The following ADAMTS19 variants were observed in gnomAD, a reference collection of about 807,000 sequenced individuals.
ADAMTS19 encodes A disintegrin and metalloproteinase with thrombospondin motifs 19.
In ADAMTS19, 93 loss-of-function variants were observed where a neutral mutation model predicts 153.3. The observed-to-expected ratio is 0.61, with a 90% CI of 0.51 to 0.72. The LOEUF (loss-of-function observed/expected upper bound fraction) is 0.72. Among genes scored for constraint, ADAMTS19 ranks in the 30% least tolerant of loss-of-function variants. The pLI is 0.00. For missense variants in ADAMTS19, 1,482 were observed against 1,552.1 expected, an observed-to-expected ratio of 0.95 and a Z score of 0.76; for synonymous variants, 600 against 556.6, an observed-to-expected ratio of 1.08 and a Z score of -1.10.
Position 129,461,559 on chromosome 5 carries a change from C to T in ADAMTS19, c.549C>T (p.Tyr183=), listed in dbSNP as rs1749663753. The T allele has an allele frequency of 6.5e-7, 1 of 1,549,690 alleles. No homozygotes were observed. The highest frequency in any genetic ancestry group is 1.4e-5 in the African/African-American group (1 of 73,282). The part of the protein sequence containing the change: ...LRIPAFSRDL[Y]LLLRRDGRFL... The stretch of plus-strand genomic sequence containing the variant: ...TCCCGGCCTTCTCTCGGGACCTGTA[C>T]CTGCTGCTCCGGAGAGACGGCCGCT... The change falls in exon 2 of 23, where the codon TAC becomes TAT. Residue 183 remains tyrosine, a synonymous_variant. Transcript: ENST00000274487. The surrounding 1 kb of genome is among the most constrained non-coding windows in gnomAD (Gnocchi z 4.6).
chr5:129,535,741 C>A (rs1752395804), intron 6 of ADAMTS19, among the ~76,000 whole-genome samples: 1 of 152,002 alleles, frequency 6.6e-6, no homozygotes, highest in African/African-American at 2.4e-5. Flanking sequence ...AGAACAGAGC[C>A]CTCAGAAATA....
At chr5:129,564,865 G>A (rs73785204) in intron 7 of ADAMTS19, among the ~76,000 whole-genome samples, 1 of 152,296 alleles carries the variant, frequency 6.6e-6, no homozygotes, top group African/African-American at 2.4e-5. Context: ...GTCAGATTGG[G>A]CCTGGGCATG....
At chr5:129,702,941 A>AAAAAAAAAAAAAATAT in intron 20 of ADAMTS19, among the ~76,000 whole-genome samples, 1 of 29,306 alleles carries the variant, frequency 3.4e-5, no homozygotes. Flanking sequence ...AAAAAAAAAA[A>AAAAAAAAAAAAAATAT]ATATATATAT....
chr5:129,708,761 T>C (rs2127175813), intron 21 of ADAMTS19, among the ~76,000 whole-genome samples: 1 of 152,220 alleles, frequency 6.6e-6, no homozygotes, highest in East Asian at 1.9e-4. Flanking sequence ...TTGCACATAA[T>C]TGTTCCTGGT....
chr5:129,461,046 G>A lies in ADAMTS19; in HGVS notation c.92-56G>A. ...ATGGACTGTGAGCTTGGAAATGTTT[G>A]TGCTACTGGAACCGCGGCACTTTAA... On this transcript the variant is annotated intron_variant, in intron 1 of 22. Coordinates refer to ENST00000274487, the MANE Select transcript of ADAMTS19 (RefSeq NM_133638.6). The surrounding 1 kb of genome is among the most constrained non-coding windows in gnomAD (Gnocchi z 4.6). 1 of 1,298,760 alleles carries A rather than the reference G, an allele frequency of 7.7e-7. No individual in the cohort carries two copies. Among genetic ancestry groups the A allele is most frequent in the Non-Finnish European group, 9.7e-7 (1 of 1,027,774 alleles). The allele number at this position is 1,298,760 out of a possible 1,614,324, so 80.5% of individuals were successfully genotyped here. A position where few individuals can be genotyped will look rare whatever the true frequency, so the allele number is the denominator to read the frequency against.
chr5:129,486,107 A>G (rs923466221), intron 2 of ADAMTS19, among the ~76,000 whole-genome samples: 9 of 152,266 alleles, frequency 5.9e-5, no homozygotes, highest in African/African-American at 2.2e-4. Context: ...TGAATTTCTA[A>G]TTAAAATTTC....
intron 7 of ADAMTS19, among the ~76,000 whole-genome samples, chr5:129,553,787 GA>G (rs952334986): frequency 6.6e-6 from 1 of 152,020 alleles, no homozygotes; most frequent in Non-Finnish European, 1.5e-5. Context: ...GAGGTAAAAT[GA>G]AAACTTATAA....
intron 3 of ADAMTS19, among the ~76,000 whole-genome samples, chr5:129,524,975 A>G (rs1345480308): frequency 6.6e-6 from 1 of 152,100 alleles, no homozygotes; most frequent in African/African-American, 2.4e-5. Context: ...GAACCTCATT[A>G]TTTGTGAGAT....
chr5:129,495,047 T>A (rs1244080897), intron 2 of ADAMTS19, among the ~76,000 whole-genome samples: 1 of 152,246 alleles, frequency 6.6e-6, no homozygotes, highest in Admixed American at 6.6e-5. Flanking sequence ...ACTGAATCAA[T>A]AAATTGTTTT....
intron 8 of ADAMTS19, among the ~76,000 whole-genome samples, chr5:129,603,026 C>G (rs1449395981): frequency 6.6e-6 from 1 of 151,956 alleles, no homozygotes; most frequent in Non-Finnish European, 1.5e-5. Flanking sequence ...ACACTGCTTC[C>G]CTCATTGAAA....
chr5:129,575,322 A>G (rs1754062200), intron 7 of ADAMTS19, among the ~76,000 whole-genome samples: 1 of 152,084 alleles, frequency 6.6e-6, no homozygotes, highest in African/African-American at 2.4e-5. Context: ...TTAATTTTTT[A>G]ATTGTCCCTA....
intron 7 of ADAMTS19, among the ~76,000 whole-genome samples, chr5:129,562,605 C>T (rs77185896): frequency 0.024 from 3,618 of 152,210 alleles, 119 homozygotes; most frequent in African/African-American, 0.078. Flanking sequence ...GATTGATAAT[C>T]AATGGGGATA....
intron 6 of ADAMTS19, among the ~76,000 whole-genome samples, chr5:129,545,257 A>G (rs574868869): frequency 1.3e-5 from 2 of 152,338 alleles, no homozygotes; most frequent in South Asian, 4.1e-4. Flanking sequence ...AATATGGAAT[A>G]TGGTATGTAT....
At chr5:129,602,544 T>C (rs1750710311) in intron 8 of ADAMTS19, among the ~76,000 whole-genome samples, 1 of 152,214 alleles carries the variant, frequency 6.6e-6, no homozygotes, top group Non-Finnish European at 1.5e-5. Context: ...GAGCTAAGTA[T>C]TGTTATGATT....
intron 6 of ADAMTS19, among the ~76,000 whole-genome samples, chr5:129,543,090 C>T (rs1752716835): frequency 6.7e-6 from 1 of 149,212 alleles, no homozygotes; most frequent in Non-Finnish European, 1.5e-5. Flanking sequence ...GCTCTTGTTG[C>T]CCAGGCTGGA....
chr5:129,469,418 G>A lies in ADAMTS19; in HGVS notation c.747+7661G>A, dbSNP rs181996304. ...GAGACTATCTAGTGGACATAATTGG[G>A]GAACATTTAATCTTACACCTTGTAG... On this transcript the variant is annotated intron_variant, in intron 2 of 22. Transcript: ENST00000274487. 4.8e-3 allele frequency among the ~76,000 whole-genome samples: 736 copies of A among 152,040 alleles called. 4 individuals are homozygous for A. The highest frequency in any genetic ancestry group is 6.8e-3 in the Non-Finnish European group (462 of 67,946).
intron 15 of ADAMTS19, among the ~76,000 whole-genome samples, chr5:129,662,603 T>C (rs749912201): frequency 6.6e-6 from 1 of 152,228 alleles, no homozygotes; most frequent in African/African-American, 2.4e-5. Context: ...AACAAGAATT[T>C]GCACATACTA....
intron 21 of ADAMTS19, among the ~76,000 whole-genome samples, chr5:129,720,174 A>ATT (rs1177323633): frequency 4.4e-5 from 5 of 113,330 alleles, no homozygotes; most frequent in African/African-American, 2.4e-4. Flanking sequence ...ATATATATTT[A>ATT]TTTTTTTTTT....
At chr5:129,560,146 T>G (rs2126839790) in intron 7 of ADAMTS19, among the ~76,000 whole-genome samples, 1 of 152,340 alleles carries the variant, frequency 6.6e-6, no homozygotes, top group African/African-American at 2.4e-5. Context: ...TTCAGCACAT[T>G]TTGAAGATTT....
Sources: gnomAD v4.1 joint callset for allele counts (sites outside exome capture counted in the v4.1 genomes callset) on GRCh38, gnomAD v4.1.1 for gene constraint, Gnocchi (gnomAD v3.1) non-coding constraint, MANE v1.5 for transcripts, NCBI Gene and HGNC (gene_info 2026-07-23, HGNC 2026-07-21) for gene names.